The following KALRN variants were observed in gnomAD, a reference collection of about 807,000 sequenced individuals.
The protein encoded by KALRN is kalirin.
KALRN carries 70 observed loss-of-function variants against 353.7 expected under a neutral mutation model. That is an observed-to-expected ratio of 0.20 (90% CI 0.16 to 0.24). KALRN has a LOEUF of 0.24. Ranked by LOEUF, KALRN falls within the 10% of genes least tolerant of loss-of-function variation. KALRN has a pLI of 1.00. For missense variants in KALRN, 2,791 were observed against 3,756.7 expected, an observed-to-expected ratio of 0.74 and a Z score of 6.72; for synonymous variants, 1,391 against 1,434.8, an observed-to-expected ratio of 0.97 and a Z score of 0.69.
intron 21 of KALRN, among the ~76,000 whole-genome samples, chr3:124,450,965 C>G (rs530026029): frequency 6.6e-6 from 1 of 151,978 alleles, no homozygotes; most frequent in African/African-American, 2.4e-5. Context: ...CTGAATGAAT[C>G]AGAAGATGTA....
At chr3:124,627,869 G>A (rs1257132313) in intron 34 of KALRN, among the ~76,000 whole-genome samples, 2 of 152,216 alleles carry the variant, frequency 1.3e-5, no homozygotes, top group African/African-American at 4.8e-5. Flanking sequence ...TGCCAACCAA[G>A]TTAGTCGAGC....
At chr3:124,344,672 C>T (rs76991559) in intron 9 of KALRN, among the ~76,000 whole-genome samples, 25 of 152,104 alleles carry the variant, frequency 1.6e-4, no homozygotes, top group African/African-American at 6.0e-4. Flanking sequence ...GTCGAAATTG[C>T]ACATATTTTC....
At chr3:124,192,971 T>G (rs774481498) in intron 1 of KALRN, among the ~76,000 whole-genome samples, 3 of 152,242 alleles carry the variant, frequency 2.0e-5, no homozygotes, top group Non-Finnish European at 2.9e-5. Flanking sequence ...TTGAGTTAAT[T>G]ACATATGCAT....
chr3:124,473,925 A>T (rs2061190035), intron 25 of KALRN, among the ~76,000 whole-genome samples: 1 of 152,232 alleles, frequency 6.6e-6, no homozygotes, highest in Admixed American at 6.5e-5. Context: ...TACAGCAAAT[A>T]CCATCCTAAT....
At position 124,219,804 on chromosome 3, in the gene KALRN, T is replaced by A. The variant is rs528239116; in HGVS notation, c.74-8186T>A. 6.6e-5 allele frequency among the ~76,000 whole-genome samples: 10 copies of A among 152,084 alleles called. No individual in the cohort carries two copies. In the South Asian group the frequency reaches 2.1e-3, roughly 32 times the overall value. ...ACTGCGCACAGGTAGATTTTCAGGT[T>A]GGGGAGAGGCATGTGGGTCTCCACA... On this transcript the variant is annotated intron_variant, in intron 1 of 59. Coordinates refer to ENST00000682506, the MANE Select transcript of KALRN (RefSeq NM_001388419.1).
intron 34 of KALRN, among the ~76,000 whole-genome samples, chr3:124,578,918 G>C (rs752665450): frequency 6.6e-6 from 1 of 152,176 alleles, no homozygotes; most frequent in Admixed American, 6.5e-5. Flanking sequence ...CCATGATCAC[G>C]GCTCACCAAG....
At chr3:124,047,045 C>T (rs2040542636) in intron 1 of KALRN, among the ~76,000 whole-genome samples, 2 of 145,168 alleles carry the variant, frequency 1.4e-5, no homozygotes, top group South Asian at 2.2e-4. Context: ...CCTATGAAGT[C>T]AACGTTGTGA....
intron 20 of KALRN, among the ~76,000 whole-genome samples, 153 bp from the exon 21 acceptor site, chr3:124,446,610 A>G (rs2093847448): frequency 6.6e-6 from 1 of 152,146 alleles, no homozygotes; most frequent in African/African-American, 2.4e-5. Context: ...GGGCTCATTC[A>G]TAAAAAAAAA....
At chr3:124,682,140 G>T (rs1242181844) in intron 51 of KALRN, among the ~76,000 whole-genome samples, 2 of 152,164 alleles carry the variant, frequency 1.3e-5, no homozygotes. Context: ...GTACACTGCA[G>T]AAGAAGAAAA....
At chr3:124,320,055 G>A (rs544035819) in intron 6 of KALRN, among the ~76,000 whole-genome samples, 1 of 151,988 alleles carries the variant, frequency 6.6e-6, no homozygotes, top group African/African-American at 2.4e-5. Flanking sequence ...TGCTTCCCTC[G>A]TATGTATAAC....
chr3:124,119,179 T>C (rs2063739126), intron 1 of KALRN, among the ~76,000 whole-genome samples: 1 of 152,274 alleles, frequency 6.6e-6, no homozygotes, highest in African/African-American at 2.4e-5. Flanking sequence ...GGAAGCTGAC[T>C]GACAGGGCCC....
Position 124,337,216 on chromosome 3 carries a change from G to A in KALRN, c.1647+2721G>A, listed in dbSNP as rs182619499. On this transcript the variant is annotated intron_variant, in intron 9 of 59. Transcript: ENST00000682506. Reference sequence around the variant, plus strand: ...TATGTTGAATAGGAGTGGTGAGAGAGGGCATCTTTGTCTTGTGCCGATTTT... The same window carrying A: ...TATGTTGAATAGGAGTGGTGAGAGAAGGCATCTTTGTCTTGTGCCGATTTT... Among the ~76,000 whole-genome samples the A allele has an allele frequency of 3.3e-4, 51 of 152,292 alleles. 1 individual carries two copies. The highest frequency in any genetic ancestry group is 6.8e-3 in the Middle Eastern group (2 of 294).
intron 10 of KALRN, among the ~76,000 whole-genome samples, chr3:124,353,419 C>T (rs1206216742): frequency 6.6e-6 from 1 of 152,106 alleles, no homozygotes; most frequent in East Asian, 1.9e-4. Flanking sequence ...GTTAGAGTTC[C>T]ACAGTTTCTG....
rs3055894 is a variant in KALRN, at chr3:124,355,709, C to CTTTTTTTT, written c.1770+8461_1770+8468dup. ...TTAAACACCCTCAACTCTCTCCCAT[C>CTTTTTTTT]TTTTTTTTTTTTTTTTTTTTTTTTG... On this transcript the variant is annotated intron_variant, in intron 10 of 59. Coordinates refer to ENST00000682506, the MANE Select transcript of KALRN (RefSeq NM_001388419.1). Among the ~76,000 whole-genome samples the CTTTTTTTT allele has an allele frequency of 5.7e-3, 559 of 97,374 alleles. 13 individuals are homozygous for CTTTTTTTT. The highest frequency in any genetic ancestry group is 7.3e-3 in the Non-Finnish European group (370 of 50,726). The allele number at this position is 97,374 out of a possible 152,430, so 63.9% of individuals were successfully genotyped here. A position where few individuals can be genotyped will look rare whatever the true frequency, so the allele number is the denominator to read the frequency against.
At chr3:124,310,386 T>A (rs2149298041) in intron 6 of KALRN, among the ~76,000 whole-genome samples, 1 of 152,300 alleles carries the variant, frequency 6.6e-6, no homozygotes, top group Non-Finnish European at 1.5e-5. Context: ...GGATCCCAAC[T>A]GGATTCTTTG....
At chr3:124,600,826 A>C (rs1047951566) in intron 34 of KALRN, among the ~76,000 whole-genome samples, 5 of 152,176 alleles carry the variant, frequency 3.3e-5, no homozygotes, top group Non-Finnish European at 7.3e-5. Flanking sequence ...GTTTTTCCAA[A>C]ATGCCCCAGC....
At chr3:124,512,498 A>C (rs2066034774) in intron 33 of KALRN, among the ~76,000 whole-genome samples, 1 of 152,128 alleles carries the variant, frequency 6.6e-6, no homozygotes. Context: ...GAAAATACAA[A>C]AAATTAGCCA....
At chr3:124,378,962 T>G (rs900401797) in intron 10 of KALRN, among the ~76,000 whole-genome samples, 3 of 152,040 alleles carry the variant, frequency 2.0e-5, no homozygotes, top group Non-Finnish European at 2.9e-5. Context: ...TTTGTTATAT[T>G]TGAAAACTTC....
chr3:124,427,622 G>C (rs2093081083), intron 15 of KALRN, among the ~76,000 whole-genome samples: 1 of 152,196 alleles, frequency 6.6e-6, no homozygotes, highest in Admixed American at 6.5e-5. Flanking sequence ...GAGCTTTCCT[G>C]ACATGAAGAA....
Sources: gnomAD v4.1 joint callset for allele counts (sites outside exome capture counted in the v4.1 genomes callset) on GRCh38, gnomAD v4.1.1 for gene constraint, MANE v1.5 for transcripts, NCBI Gene and HGNC (gene_info 2026-07-23, HGNC 2026-07-21) for gene names.